Variants in ALG13 observed in about 807,000 individuals in gnomAD.
ALG13 encodes UDP-N-acetylglucosamine transferase subunit ALG13.
A neutral mutation model predicts 87.8 loss-of-function variants in ALG13; 11 were observed. The observed-to-expected ratio is 0.13, with a 90% CI of 0.08 to 0.21. The LOEUF is 0.21. Ranked by LOEUF, ALG13 falls within the 10% of genes least tolerant of loss-of-function variation. The probability of loss-of-function intolerance (pLI) is 1.00; values close to 1 mark genes in which losing one functional copy is unlikely to be tolerated. For missense variants in ALG13, 756 were observed against 866.1 expected (o/e 0.87, Z 1.60); for synonymous variants, 320 against 306.3 (o/e 1.04, Z -0.47).
chrX:111,743,360 G>A (rs1424466502), intron 23 of ALG13, among the ~76,000 whole-genome samples: 2 of 112,015 alleles, frequency 1.8e-5, no homozygotes, highest in Non-Finnish European at 3.8e-5. Context: ...TGTAAAAGTA[G>A]AGATTTCGAA....
At chrX:111,750,656 CTTATTTATTTAT>C (rs767738920) in intron 24 of ALG13, among the ~76,000 whole-genome samples, 11 of 108,818 alleles carry the variant, frequency 1.0e-4, no homozygotes, top group Admixed American at 3.0e-4. Flanking sequence ...TGTTTATTTA[CTTATTTATTTAT>C]TTATTTATTT....
intron 25 of ALG13, 95 bp from the exon 26 acceptor site, chrX:111,757,493 A>ATTTT: frequency 5.5e-6 from 3 of 543,309 alleles, no homozygotes; most frequent in Non-Finnish European, 5.1e-6. Context: ...CCCAATTCTT[A>ATTTT]TTTTTTTTTT....
At chrX:111,690,365 G>A (rs1015332858) in intron 3 of ALG13, 1 of 751,362 alleles carries the variant, frequency 1.3e-6, no homozygotes, top group Non-Finnish European at 1.6e-6. Context: ...TTAAGAGGTA[G>A]ACAGTTAATA....
At chrX:111,693,214 A>G (rs1042881881) in intron 3 of ALG13, among the ~76,000 whole-genome samples, 3 of 101,679 alleles carry the variant, frequency 3.0e-5, no homozygotes, top group Non-Finnish European at 6.0e-5. Flanking sequence ...AAGGTAGACA[A>G]ATCTGGCTAG....
At chrX:111,693,592 T>A (rs1466606564) in intron 3 of ALG13, among the ~76,000 whole-genome samples, 1 of 111,861 alleles carries the variant, frequency 8.9e-6, no homozygotes, top group Non-Finnish European at 1.9e-5. Context: ...AAAAATATTT[T>A]GACAGGCTTT....
intron 18 of ALG13, 67 bp downstream of exon 18, chrX:111,727,837 C>A: frequency 9.9e-7 from 1 of 1,014,916 alleles, no homozygotes; most frequent in Non-Finnish European, 1.3e-6. Flanking sequence ...GAAGTAAAGG[C>A]AATGTGGATA....
chrX:111,681,470 C>G, intron 1 of ALG13, 171 bp downstream of exon 1: 1 of 1,069,936 alleles, frequency 9.3e-7, no homozygotes, highest in Non-Finnish European at 1.2e-6. Flanking sequence ...CGGCGGGGCC[C>G]TTCTCCGGCT....
intron 3 of ALG13, among the ~76,000 whole-genome samples, chrX:111,701,070 G>A (rs948720174): frequency 5.4e-5 from 6 of 111,117 alleles, no homozygotes; most frequent in African/African-American, 2.0e-4. Context: ...TCCCACTTGA[G>A]CATGGGGAAT....
chrX:111,687,896 T>C, intron 3 of ALG13: 1 of 1,159,560 alleles, frequency 8.6e-7, no homozygotes, highest in South Asian at 2.1e-5. Context: ...GCACGCTTCC[T>C]GGGCTGTTAC....
chrX:111,683,820 A>G (rs772471394), intron 2 of ALG13, among the ~76,000 whole-genome samples: 1 of 112,008 alleles, frequency 8.9e-6, no homozygotes, highest in Admixed American at 9.5e-5. Flanking sequence ...TATTTCTGGG[A>G]TAGCACCTCA....
chrX:111,754,928 T>G (rs973444445), intron 25 of ALG13, among the ~76,000 whole-genome samples: 1 of 111,956 alleles, frequency 8.9e-6, no homozygotes, highest in African/African-American at 3.2e-5. Context: ...TACTTTAAAT[T>G]TCATATGGAA....
At chrX:111,717,253 G>T (rs1940749181) in intron 8 of ALG13, among the ~76,000 whole-genome samples, 1 of 111,832 alleles carries the variant, frequency 8.9e-6, no homozygotes, top group Non-Finnish European at 1.9e-5. Flanking sequence ...GGGATTCAGG[G>T]AATCAGCTCA....
chrX:111,707,948 T>G (rs1939070752), intron 3 of ALG13, 79 bp from the exon 4 acceptor site: 2 of 1,037,139 alleles, frequency 1.9e-6, no homozygotes, highest in East Asian at 6.3e-5. Context: ...CTAAGTACTT[T>G]CTCCCTCCCT....
At chrX:111,734,344 GGGCAAATGTTTGCTTTTT>G (rs750480773) in intron 21 of ALG13, 3 of 112,384 alleles carry the variant, frequency 2.7e-5, no homozygotes, top group Non-Finnish European at 5.6e-5. Flanking sequence ...TTCTGAGCCA[GGGCAAATGTTTGCTTTTT>G]GGCAGGGGCT....
chrX:111,717,541 C>CTT (rs773345817), intron 8 of ALG13, among the ~76,000 whole-genome samples: 40 of 81,239 alleles, frequency 4.9e-4, no homozygotes, highest in Non-Finnish European at 6.3e-4. Flanking sequence ...CTAAGTGTTC[C>CTT]TTTTTTTTTT....
rs1171897545 is a variant in ALG13, at chrX:111,759,837, C to G, written c.3252C>G (p.Ser1084=). The G allele has an allele frequency of 4.1e-6, 5 of 1,209,116 alleles. No individual in the cohort carries two copies. The African/African-American group carries it at 8.8e-5, about 21-fold the overall frequency. Residue 1084 remains serine (S), a synonymous_variant, in exon 27 of 27, where the codon TCC becomes TCG. Coordinates refer to ENST00000394780, the MANE Select transcript of ALG13 (RefSeq NM_001099922.3). Reference sequence around the variant, plus strand: ...AGCCACCTTTGCCAGGTTTTGACTCCTGCCTTCCGGTTGTGCCAGATTATT... The same window carrying G: ...AGCCACCTTTGCCAGGTTTTGACTCGTGCCTTCCGGTTGTGCCAGATTATT... The part of the protein sequence containing the change: ...YGQPPLPGFD[S]CLPVVPDYSC...
chrX:111,687,887 C>T (rs1304174618), intron 3 of ALG13: 1 of 1,151,482 alleles, frequency 8.7e-7, no homozygotes, highest in Admixed American at 2.7e-5. Context: ...TTTGTTTTAG[C>T]ACGCTTCCTG....
chrX:111,754,686 A>G (rs1349148942), intron 25 of ALG13, among the ~76,000 whole-genome samples: 1 of 111,730 alleles, frequency 9.0e-6, no homozygotes, highest in Non-Finnish European at 1.9e-5. Flanking sequence ...TGCTACAAAG[A>G]GAATAAAATA....
chrX:111,693,260 A>T (rs867749694), intron 3 of ALG13, among the ~76,000 whole-genome samples: 20 of 65,300 alleles, frequency 3.1e-4, no homozygotes, highest in Middle Eastern at 0.019. Flanking sequence ...GATGCTATTT[A>T]TTTTTTTTTT....
Sources: gnomAD v4.1 joint callset for allele counts (sites outside exome capture counted in the v4.1 genomes callset) on GRCh38, gnomAD v4.1.1 for gene constraint, MANE v1.5 for transcripts, NCBI Gene and HGNC (gene_info 2026-07-23, HGNC 2026-07-21) for gene names.